The following PELI2 variants were observed in gnomAD, a reference collection of about 807,000 sequenced individuals.
PELI2 encodes the protein pellino E3 ubiquitin protein ligase family member 2, also known as E3 ubiquitin-protein ligase pellino homolog 2.
A neutral mutation model predicts 42.3 loss-of-function variants in PELI2; 23 were observed. The ratio of observed to expected loss-of-function variants is 0.54; its 90% CI spans 0.39 to 0.77. PELI2 has a LOEUF of 0.77. Among genes scored for constraint, PELI2 ranks in the 30% least tolerant of loss-of-function variants. The pLI, the probability that PELI2 is intolerant of heterozygous loss-of-function variation, is 0.00. For missense variants in PELI2, 463 were observed against 553.2 expected (o/e 0.84, Z 1.64); for synonymous variants, 245 against 212.2 (o/e 1.15, Z -1.34).
At chr14:56,222,948 C>T (rs949177899) in intron 2 of PELI2, among the ~76,000 whole-genome samples, 1 of 152,174 alleles carries the variant, frequency 6.6e-6, no homozygotes, top group Non-Finnish European at 1.5e-5. Context: ...GAGAAGGGAA[C>T]ACGTACAGGA....
chr14:56,162,812 G>A (rs1047373366), intron 1 of PELI2, among the ~76,000 whole-genome samples: 1 of 152,168 alleles, frequency 6.6e-6, no homozygotes, highest in Non-Finnish European at 1.5e-5. Flanking sequence ...TTGAACTGGG[G>A]TGAAATGATA....
chr14:56,227,723 A>G (rs1594659884), intron 2 of PELI2, among the ~76,000 whole-genome samples: 1 of 152,224 alleles, frequency 6.6e-6, no homozygotes, highest in East Asian at 1.9e-4. Context: ...CATTCTGCCC[A>G]GAAAGGAACC....
chr14:56,175,789 A>G (rs1885354881), intron 1 of PELI2, among the ~76,000 whole-genome samples: 1 of 152,196 alleles, frequency 6.6e-6, no homozygotes, highest in South Asian at 2.1e-4. Context: ...AACTCGTGGA[A>G]ATCAAATTGA....
chr14:56,147,994 T>C (rs1884194538), intron 1 of PELI2, among the ~76,000 whole-genome samples: 1 of 152,204 alleles, frequency 6.6e-6, no homozygotes, highest in South Asian at 2.1e-4. Flanking sequence ...ATGAGAAATG[T>C]AGATTACTGA....
intron 2 of PELI2, among the ~76,000 whole-genome samples, chr14:56,256,565 A>G (rs1232115297): frequency 6.6e-6 from 1 of 152,206 alleles, no homozygotes; most frequent in Non-Finnish European, 1.5e-5. Context: ...TTGAATTCTT[A>G]TTAAATAAAT....
At chr14:56,148,547 C>G (rs1299775832) in intron 1 of PELI2, among the ~76,000 whole-genome samples, 1 of 152,182 alleles carries the variant, frequency 6.6e-6, no homozygotes, top group Non-Finnish European at 1.5e-5. Flanking sequence ...CTCTGGCTGT[C>G]TGGGACACCC....
intron 1 of PELI2, among the ~76,000 whole-genome samples, chr14:56,154,858 A>T (rs1391127384): frequency 6.6e-6 from 1 of 152,220 alleles, no homozygotes; most frequent in Non-Finnish European, 1.5e-5. Context: ...GAGAGATTGT[A>T]CTAAGTAACA....
rs1287024521 is a variant in PELI2 at position 56,300,026 on chromosome 14, T to G, written c.*2860T>G. 6.6e-6 allele frequency: 1 copy of G among 152,670 alleles called. No homozygotes were observed. Among genetic ancestry groups the G allele is most frequent in the African/African-American group, 2.4e-5 (1 of 41,470 alleles). 9.5% of individuals were successfully genotyped at this position (152,670 alleles called of 1,614,324 possible). ...ACTCTCAACATTTCCCTTATTTGGTTCAGCTTTTAGCAAAAAGGGCTACAG... is the reference window on the plus strand; with the variant it reads ...ACTCTCAACATTTCCCTTATTTGGTGCAGCTTTTAGCAAAAAGGGCTACAG... On this transcript the variant is annotated 3_prime_UTR_variant, in exon 6 of 6. Transcript: ENST00000267460.
At chr14:56,139,694 A>G (rs1017989749) in intron 1 of PELI2, among the ~76,000 whole-genome samples, 4 of 151,892 alleles carry the variant, frequency 2.6e-5, no homozygotes, top group African/African-American at 7.3e-5. Context: ...TGCAAACTTT[A>G]TTTTTTAAAG....
At chr14:56,254,396 C>CAA (rs34029214) in intron 2 of PELI2, among the ~76,000 whole-genome samples, 67,167 of 136,850 alleles carry the variant, frequency 0.49, 17,603 homozygotes, top group South Asian at 0.63. Flanking sequence ...GACTCCATCT[C>CAA]AAAAAAAAAA....
intron 2 of PELI2, among the ~76,000 whole-genome samples, chr14:56,257,319 AAAC>A (rs1375191112): frequency 2.0e-5 from 3 of 152,236 alleles, no homozygotes; most frequent in African/African-American, 7.2e-5. Context: ...TAAGTAAAAT[AAAC>A]AACAACTAGT....
At chr14:56,156,582 A>T (rs1884575124) in intron 1 of PELI2, among the ~76,000 whole-genome samples, 1 of 152,190 alleles carries the variant, frequency 6.6e-6, no homozygotes, top group Admixed American at 6.5e-5. Flanking sequence ...ACATGATTGA[A>T]AATCTATACC....
chr14:56,290,010 C>T (rs1251942349), intron 4 of PELI2, among the ~76,000 whole-genome samples: 1 of 152,054 alleles, frequency 6.6e-6, no homozygotes, highest in Non-Finnish European at 1.5e-5. Context: ...AGGGAGAAGC[C>T]CAGGCCTCGA....
chr14:56,230,662 A>C (rs1303406817), intron 2 of PELI2, among the ~76,000 whole-genome samples: 1 of 152,214 alleles, frequency 6.6e-6, no homozygotes, highest in African/African-American at 2.4e-5. Context: ...AATTGTAAAG[A>C]CCATTGATGC....
chr14:56,274,498 G>C (rs1889220915), intron 2 of PELI2, among the ~76,000 whole-genome samples: 2 of 152,166 alleles, frequency 1.3e-5, no homozygotes, highest in African/African-American at 2.4e-5. Flanking sequence ...GTTACCCATT[G>C]TTTATCCTGC....
At chr14:56,161,633 AG>A (rs1353069499) in intron 1 of PELI2, among the ~76,000 whole-genome samples, 1 of 152,230 alleles carries the variant, frequency 6.6e-6, no homozygotes, top group East Asian at 1.9e-4. Context: ...GTCAAAAGAC[AG>A]GGTGTCTTTT....
At chr14:56,181,205 C>G (rs1331226732) in intron 2 of PELI2, among the ~76,000 whole-genome samples, 1 of 152,108 alleles carries the variant, frequency 6.6e-6, no homozygotes, top group East Asian at 1.9e-4. Context: ...TAGCCTGTCT[C>G]TGTTTGCCAC....
chr14:56,145,695 A>T (rs1884089744), intron 1 of PELI2, among the ~76,000 whole-genome samples: 1 of 152,178 alleles, frequency 6.6e-6, no homozygotes, highest in African/African-American at 2.4e-5. Context: ...TCATTTATTC[A>T]ACCATATTTT....
chr14:56,242,249 A>C (rs1423785673), intron 2 of PELI2, among the ~76,000 whole-genome samples: 1 of 152,260 alleles, frequency 6.6e-6, no homozygotes, highest in Non-Finnish European at 1.5e-5. Context: ...AGAGAAACAG[A>C]GTTATTGAGA....
Sources: gnomAD v4.1 joint callset for allele counts (sites outside exome capture counted in the v4.1 genomes callset) on GRCh38, gnomAD v4.1.1 for gene constraint, MANE v1.5 for transcripts, NCBI Gene and HGNC (gene_info 2026-07-23, HGNC 2026-07-21) for gene names.